JMY: variants seen among roughly 807,000 people sequenced by gnomAD.
JMY encodes the protein junction mediating and regulatory protein, p53 cofactor, also known as junction-mediating and -regulatory protein.
Under a neutral mutation model 103.3 loss-of-function variants are expected in JMY, and 46 were observed. The observed-to-expected ratio is 0.45, with a 90% confidence interval of 0.35 to 0.57. JMY has a LOEUF of 0.57. JMY is among the 20% of genes least tolerant of loss of function. The probability of loss-of-function intolerance (pLI) is 0.00; values close to 1 mark genes in which losing one functional copy is unlikely to be tolerated. For missense variants in JMY, 1,238 were observed against 1,255.2 expected (o/e 0.99, Z 0.21); for synonymous variants, 526 against 489.3 (o/e 1.07, Z -0.99).
intron 2 of JMY, among the ~76,000 whole-genome samples, chr5:79,279,127 A>G (rs949452778): frequency 3.9e-5 from 6 of 152,144 alleles, no homozygotes; most frequent in Non-Finnish European, 7.4e-5. Context: ...TGAGGTCAGG[A>G]GTTCAAGACC....
chr5:79,317,243 C>T (rs935022211), intron 10 of JMY, among the ~76,000 whole-genome samples: 4 of 152,038 alleles, frequency 2.6e-5, no homozygotes, highest in Admixed American at 6.6e-5. Flanking sequence ...TACTTATTGT[C>T]ACAGTTACTG....
intron 7 of JMY, among the ~76,000 whole-genome samples, chr5:79,307,707 C>G (rs189535644): frequency 6.6e-6 from 1 of 152,066 alleles, no homozygotes; most frequent in Non-Finnish European, 1.5e-5. Flanking sequence ...CCTACTTGCC[C>G]CTCTATATAT....
chr5:79,236,708 G>T lies in JMY; in HGVS notation c.58G>T (p.Val20Leu), dbSNP rs968578171. The T allele has an allele frequency of 8.7e-6, 13 of 1,501,020 alleles. No homozygotes were observed. The highest frequency in any genetic ancestry group is 9.8e-6 in the Non-Finnish European group (11 of 1,122,308). 93.0% of individuals were successfully genotyped at this position (1,501,020 alleles called of 1,614,324 possible). The part of the protein sequence containing the change: ...ESDWVAVRPH[V>L]FDEREKHKFV... ...GGACTGGGTGGCTGTGCGGCCCCAT[G>T]TGTTCGACGAGCGCGAGAAACACAA... The change falls in exon 1 of 11, where the codon GTG becomes TTG. Residue 20 changes from valine (V) to leucine (L), a missense_variant. By Grantham distance (32) the Val-to-Leu change is conservative. Coordinates refer to ENST00000396137, the MANE Select transcript of JMY (RefSeq NM_152405.5).
chr5:79,321,507 T>C (rs532009221), intron 10 of JMY, 99 bp from the exon 11 acceptor site: 1 of 152,340 alleles, frequency 6.6e-6, no homozygotes, highest in South Asian at 2.1e-4. Flanking sequence ...TGGCCTTTTG[T>C]AAAAAATGTC....
At chr5:79,239,292 G>A (rs1276994921) in intron 1 of JMY, among the ~76,000 whole-genome samples, 1 of 152,104 alleles carries the variant, frequency 6.6e-6, no homozygotes, top group Non-Finnish European at 1.5e-5. Flanking sequence ...CACTTCGGGA[G>A]TCTACCTTAA....
At chr5:79,314,155 G>A (rs1361769812) in intron 8 of JMY, 102 bp from the exon 9 acceptor site, 13 of 1,497,562 alleles carry the variant, frequency 8.7e-6, no homozygotes, top group African/African-American at 2.8e-5. Context: ...CACCACACCC[G>A]GCCACATAAC....
intron 1 of JMY, among the ~76,000 whole-genome samples, chr5:79,269,967 G>T (rs893021411): frequency 3.3e-5 from 5 of 151,972 alleles, no homozygotes; most frequent in Admixed American, 3.3e-4. Context: ...CTGGGCTGAA[G>T]TGATTCTCCT....
chr5:79,291,239 G>T lies in JMY; in HGVS notation c.1467G>T (p.Leu489Phe). The change falls in exon 4 of 11, where the codon TTG becomes TTT. Residue 489 changes from leucine to phenylalanine, a missense_variant. Physicochemically the swap from Leu to Phe is conservative, Grantham distance 22. Transcript: ENST00000396137. The stretch of plus-strand genomic sequence containing the variant: ...AGTATGCAGTTTCTAAGGAAACTTT[G>T]CAGATGATGAGAGCTAAAGAGATAT... ...KLQYAVSKETLQMMRAKEICL... is the reference protein window; with the variant it reads ...KLQYAVSKETFQMMRAKEICL... 6.2e-7 allele frequency: 1 copy of T among 1,613,130 alleles called. No individual in the cohort carries two copies. The highest frequency in any genetic ancestry group is 1.3e-5 in the African/African-American group (1 of 75,020).
At chr5:79,265,630 C>T (rs1745564202) in intron 1 of JMY, among the ~76,000 whole-genome samples, 1 of 152,062 alleles carries the variant, frequency 6.6e-6, no homozygotes, top group South Asian at 2.1e-4. Flanking sequence ...CTTTTTCCCC[C>T]ACTCTGTAGA....
chr5:79,310,783 AT>A (rs1373760466), intron 7 of JMY, among the ~76,000 whole-genome samples: 1 of 152,178 alleles, frequency 6.6e-6, no homozygotes, highest in Non-Finnish European at 1.5e-5. Context: ...GGATAAGAGA[AT>A]TCTGTTTTCC....
At chr5:79,298,141 A>G (rs999806574) in intron 4 of JMY, among the ~76,000 whole-genome samples, 1 of 152,208 alleles carries the variant, frequency 6.6e-6, no homozygotes, top group Non-Finnish European at 1.5e-5. Flanking sequence ...TCATGAACGT[A>G]GCAGAAAATG....
In JMY at chr5:79,236,408, C is replaced by T; in HGVS notation, c.-243C>T. 2.8e-6 allele frequency: 1 copy of T among 355,396 alleles called. No homozygotes were observed. The highest frequency in any genetic ancestry group is 5.0e-6 in the Non-Finnish European group (1 of 199,028). 22.0% of individuals were successfully genotyped at this position (355,396 alleles called of 1,614,324 possible). On this transcript the variant is annotated 5_prime_UTR_variant, in exon 1 of 11. Transcript: ENST00000396137. ...CGGAGCTTGTAAACAGATCCGGCCG[C>T]AGGTGACCATGTGAACTACCTGCTC...
At chr5:79,279,095 A>G (rs1746036067) in intron 2 of JMY, among the ~76,000 whole-genome samples, 1 of 152,138 alleles carries the variant, frequency 6.6e-6, no homozygotes, top group African/African-American at 2.4e-5. Flanking sequence ...GCACTTTGGG[A>G]GGCTGAGGCA....
At position 79,314,860 on chromosome 5, in the gene JMY, A is replaced by G. The variant is rs777614271; in HGVS notation, c.2659+9A>G. The G allele has an allele frequency of 3.3e-6, 5 of 1,537,962 alleles. No homozygotes were observed. In the African/African-American group the frequency reaches 5.5e-5, roughly 17 times the overall value. ...TTTGCAGAGGAGGAGAGGTACGTCAACATATTTTCATGGTCCATCTGTTGT... is the reference window on the plus strand; with the variant it reads ...TTTGCAGAGGAGGAGAGGTACGTCAGCATATTTTCATGGTCCATCTGTTGT... On this transcript the variant is annotated intron_variant, in intron 9 of 10. Coordinates refer to ENST00000396137, the MANE Select transcript of JMY (RefSeq NM_152405.5).
chr5:79,313,248 C>A (rs905463510), intron 8 of JMY, among the ~76,000 whole-genome samples: 2 of 152,022 alleles, frequency 1.3e-5, no homozygotes, highest in Non-Finnish European at 2.9e-5. Flanking sequence ...GGTAACATGG[C>A]GAAACCCTGT....
chr5:79,303,201 A>G (rs1030520003), intron 6 of JMY, among the ~76,000 whole-genome samples: 1 of 152,218 alleles, frequency 6.6e-6, no homozygotes, highest in African/African-American at 2.4e-5. Flanking sequence ...AGATGGTCTC[A>G]GAACAACATA....
intron 7 of JMY, among the ~76,000 whole-genome samples, chr5:79,312,198 T>G (rs1747067672): frequency 6.6e-6 from 1 of 151,720 alleles, no homozygotes; most frequent in South Asian, 2.1e-4. Flanking sequence ...ACTAAAACTG[T>G]GTATTAAAAA....
intron 1 of JMY, among the ~76,000 whole-genome samples, chr5:79,267,233 C>T (rs903516257): frequency 3.9e-5 from 6 of 152,046 alleles, no homozygotes; most frequent in African/African-American, 1.4e-4. Flanking sequence ...GTTTGTTTTC[C>T]TTTTTTATAA....
chr5:79,248,966 T>A (rs1446525950), intron 1 of JMY, among the ~76,000 whole-genome samples: 1 of 152,154 alleles, frequency 6.6e-6, no homozygotes, highest in Admixed American at 6.5e-5. Flanking sequence ...TCTCACTGTG[T>A]CACCTAGGCT....
Sources: gnomAD v4.1 joint callset for allele counts (sites outside exome capture counted in the v4.1 genomes callset) on GRCh38, gnomAD v4.1.1 for gene constraint, MANE v1.5 for transcripts, NCBI Gene and HGNC (gene_info 2026-07-23, HGNC 2026-07-21) for gene names.